Variants in KALRN observed in about 807,000 individuals in gnomAD.
KALRN encodes kalirin.
In KALRN, 70 loss-of-function variants were observed where a neutral mutation model predicts 353.7. The observed-to-expected ratio is 0.20, with a 90% CI of 0.16 to 0.24. The LOEUF (loss-of-function observed/expected upper bound fraction) is 0.24, where lower values mean the gene tolerates loss of function less well. Ranked by LOEUF, KALRN falls within the 10% of genes least tolerant of loss-of-function variation. The pLI is 1.00. For missense variants in KALRN, 2,791 were observed against 3,756.7 expected, an observed-to-expected ratio of 0.74 and a Z score of 6.72; for synonymous variants, 1,391 against 1,434.8, an observed-to-expected ratio of 0.97 and a Z score of 0.69.
chr3:124,668,043 GACACACACACACACACACACAC>G (rs55672121), intron 47 of KALRN, among the ~76,000 whole-genome samples: 64 of 138,416 alleles, frequency 4.6e-4, no homozygotes, highest in East Asian at 2.6e-3. Flanking sequence ...TGTATATCGA[GACACACACACACACACACACAC>G]ACACACACAC....
chr3:124,307,350 A>G (rs1332095208), intron 6 of KALRN, among the ~76,000 whole-genome samples: 1 of 152,110 alleles, frequency 6.6e-6, no homozygotes, highest in African/African-American at 2.4e-5. Context: ...ATATGAAAAA[A>G]GCTATAAATA....
chr3:124,604,324 G>A (rs967649633), intron 34 of KALRN, among the ~76,000 whole-genome samples: 1 of 152,108 alleles, frequency 6.6e-6, no homozygotes, highest in African/African-American at 2.4e-5. Context: ...GCCTTGGATA[G>A]TGTATTCTCC....
chr3:124,473,056 T>A (rs973287434), intron 25 of KALRN, among the ~76,000 whole-genome samples: 1 of 152,244 alleles, frequency 6.6e-6, no homozygotes, highest in Non-Finnish European at 1.5e-5. Context: ...ATCCCATCAA[T>A]TATTGTTAGC....
intron 5 of KALRN, among the ~76,000 whole-genome samples, chr3:124,285,976 G>C (rs1279359399): frequency 6.6e-6 from 1 of 152,072 alleles, no homozygotes; most frequent in African/African-American, 2.4e-5. Context: ...GGACGGCACT[G>C]TACTAGATCT....
chr3:124,392,793 T>A (rs947367392), intron 11 of KALRN, among the ~76,000 whole-genome samples: 28 of 151,942 alleles, frequency 1.8e-4, no homozygotes, highest in South Asian at 4.2e-4. Flanking sequence ...TTTTTTATTT[T>A]TTTTTTATTA....
chr3:124,275,808 G>A (rs1422727837), intron 5 of KALRN, among the ~76,000 whole-genome samples: 1 of 152,186 alleles, frequency 6.6e-6, no homozygotes, highest in Admixed American at 6.5e-5. Flanking sequence ...AAATTATGGT[G>A]TAGATTCTTG....
At position 124,562,970 on chromosome 3, in the gene KALRN, G is replaced by T; in HGVS notation, c.5063G>T (p.Cys1688Phe). 1 of 1,367,918 alleles carries T rather than the reference G, an allele frequency of 7.3e-7. No individual in the cohort carries two copies. Among genetic ancestry groups the T allele is most frequent in the African/African-American group, 1.5e-5 (1 of 67,888 alleles). The allele number at this position is 1,367,918 out of a possible 1,614,324, so 84.7% of individuals were successfully genotyped here. Reference sequence around the variant, plus strand: ...CGGCCCAGCGAGCGGCCTGGTTGGTGTCTGGTCCGTACCACCGAACGGAGC... The same window carrying T: ...CGGCCCAGCGAGCGGCCTGGTTGGTTTCTGGTCCGTACCACCGAACGGAGC... ...LERPSERPGW[C>F]LVRTTERSPP... The change falls in exon 34 of 60, where the codon TGT (cysteine) becomes TTT (phenylalanine). Residue 1688 changes from cysteine (C) to phenylalanine (F), a missense_variant. By Grantham distance (205) the Cys-to-Phe change is radical (BLOSUM62 -2). Coordinates refer to ENST00000682506, the MANE Select transcript of KALRN (RefSeq NM_001388419.1).
chr3:124,279,223 TGACTGTGTTCA>T lies in KALRN; in HGVS notation c.969+9970_969+9980del, dbSNP rs1441429475. ...CCCTGCTGGGCCACTTGTAGCTGAG[TGACTGTGTTCA>T]GTTCACCCCCTCTGAACACTGATTT... On this transcript the variant is annotated intron_variant, in intron 5 of 59. Coordinates refer to ENST00000682506, the MANE Select transcript of KALRN (RefSeq NM_001388419.1). Among the ~76,000 whole-genome samples, 5 of 152,278 alleles carry T rather than the reference TGACTGTGTTCA, an allele frequency of 3.3e-5. No individual in the cohort carries two copies. The East Asian group carries it at 9.7e-4, about 29-fold the overall frequency.
At chr3:124,385,139 G>T in intron 11 of KALRN, 103 bp downstream of exon 11, 1 of 930,456 alleles carries the variant, frequency 1.1e-6, no homozygotes, top group East Asian at 2.6e-5. Context: ...GGGTAGTCTG[G>T]GGGTTACTAA....
chr3:124,500,019 A>G (rs2064328073), intron 33 of KALRN, among the ~76,000 whole-genome samples: 1 of 152,216 alleles, frequency 6.6e-6, no homozygotes, highest in Non-Finnish European at 1.5e-5. Context: ...AAATACATCT[A>G]AAAGGTACAT....
chr3:124,411,635 AG>A (rs1268989022), intron 13 of KALRN, among the ~76,000 whole-genome samples: 1 of 151,794 alleles, frequency 6.6e-6, no homozygotes, highest in Non-Finnish European at 1.5e-5. Context: ...TTGGAGAGAC[AG>A]GTTCTCACTG....
intron 33 of KALRN, chr3:124,504,872 A>G (rs746030322): frequency 1.6e-5 from 8 of 491,828 alleles, no homozygotes; most frequent in African/African-American, 9.8e-5. Flanking sequence ...ATTTTGGTGG[A>G]AGGAGAAAGC....
intron 1 of KALRN, among the ~76,000 whole-genome samples, chr3:124,161,866 G>A (rs1400940128): frequency 6.6e-6 from 1 of 152,170 alleles, no homozygotes; most frequent in African/African-American, 2.4e-5. Flanking sequence ...ATAGGCTGAA[G>A]GCCCAGAAAG....
intron 1 of KALRN, among the ~76,000 whole-genome samples, chr3:124,092,744 C>T (rs1337589935): frequency 1.3e-5 from 2 of 152,234 alleles, no homozygotes; most frequent in African/African-American, 4.8e-5. Context: ...GTTATTTAAT[C>T]TTTTGGAACA....
intron 51 of KALRN, among the ~76,000 whole-genome samples, chr3:124,680,584 A>G (rs991091780): frequency 2.0e-5 from 3 of 152,252 alleles, no homozygotes; most frequent in Non-Finnish European, 4.4e-5. Context: ...ATAGACTTTT[A>G]TTCTTATTCT....
intron 1 of KALRN, among the ~76,000 whole-genome samples, chr3:124,189,568 C>T (rs183985428): frequency 2.6e-5 from 4 of 152,050 alleles, no homozygotes; most frequent in African/African-American, 4.8e-5. Flanking sequence ...TTTGGGAAGC[C>T]GAGGCGGGTG....
chr3:124,112,899 A>T (rs879940546), intron 1 of KALRN, among the ~76,000 whole-genome samples: 3 of 152,116 alleles, frequency 2.0e-5, no homozygotes, highest in Non-Finnish European at 4.4e-5. Flanking sequence ...GTACTTGTAG[A>T]TATACTTTCA....
At chr3:124,092,772 A>G (rs953009508) in intron 1 of KALRN, among the ~76,000 whole-genome samples, 1 of 152,254 alleles carries the variant, frequency 6.6e-6, no homozygotes, top group Non-Finnish European at 1.5e-5. Flanking sequence ...TCTCTTCTGT[A>G]TACTGGAGAA....
chr3:124,097,181 C>T (rs971579313), intron 1 of KALRN, among the ~76,000 whole-genome samples: 5 of 152,176 alleles, frequency 3.3e-5, no homozygotes, highest in Admixed American at 6.5e-5. Flanking sequence ...CCTCTTGTAA[C>T]GAATGTTACC....
Sources: allele counts gnomAD v4.1 joint callset (sites outside exome capture counted in the v4.1 genomes callset), GRCh38; gene constraint gnomAD v4.1.1; transcripts MANE v1.5; gene names NCBI Gene and HGNC (gene_info 2026-07-23, HGNC 2026-07-21).